The following KCTD18 variants were observed in gnomAD, a reference collection of about 807,000 sequenced individuals.
The protein encoded by KCTD18 is potassium channel tetramerization domain containing 18, also known as BTB/POZ domain-containing protein KCTD18.
Under a neutral mutation model 30.4 loss-of-function variants are expected in KCTD18, and 22 were observed. That is an observed-to-expected ratio of 0.72 (90% CI 0.52 to 1.03). The LOEUF is 1.03. Among genes scored for constraint, KCTD18 ranks in the 50% least tolerant of loss-of-function variants. The pLI, the probability that KCTD18 is intolerant of heterozygous loss-of-function variation, is 0.00. For synonymous variants in KCTD18, 186 were observed against 209.0 expected (o/e 0.89, Z 0.95); for missense variants, 529 against 547.6 (o/e 0.97, Z 0.34).
intron 3 of KCTD18, among the ~76,000 whole-genome samples, chr2:200,499,856 T>C (rs1230241885): frequency 1.4e-5 from 2 of 147,698 alleles, no homozygotes; most frequent in African/African-American, 4.9e-5. Context: ...ATATCCTTGA[T>C]GAACATTGAT....
rs761524442 is a variant in KCTD18, at chr2:200,504,458, C to CAA, written c.372+288_372+289dup. ...TGGGGGACAGAGCAAGACTCTGCCT[C>CAA]AAAAAAAAAAAAAAAAAAAAGCAAG... On this transcript the variant is annotated intron_variant, in intron 3 of 6. Transcript: ENST00000359878. 1.6e-3 allele frequency among the ~76,000 whole-genome samples: 93 copies of CAA among 59,146 alleles called. 1 individual carries two copies. Among genetic ancestry groups the CAA allele is most frequent in the African/African-American group, 4.4e-3 (83 of 18,966 alleles). The allele number at this position is 59,146 out of a possible 152,430, so 38.8% of individuals were successfully genotyped here. A position where few individuals can be genotyped will look rare whatever the true frequency, so the allele number is the denominator to read the frequency against.
In KCTD18 at chr2:200,493,242, T is replaced by C. The variant is rs749559061; in HGVS notation, c.694A>G (p.Ile232Val). ...VSYWRVPHEL[I>V]ECWTLEERPL... is the part of the protein sequence containing the mutation. ...CGTTCTTCTAGAGTCCAACACTCTA[T>C]CAGCTCATGAGGCACCCGCCAGTAG... The change falls in exon 6 of 7, where the codon ATA becomes GTA. Residue 232 changes from isoleucine to valine, a missense_variant. Ile to Val is a conservative substitution (Grantham distance 29). Coordinates refer to ENST00000359878, the MANE Select transcript of KCTD18 (RefSeq NM_152387.4). The C allele has an allele frequency of 5.6e-6, 9 of 1,612,374 alleles. No individual in the cohort carries two copies. In the African/African-American group the frequency reaches 9.3e-5, roughly 17 times the overall value.
intron 3 of KCTD18, among the ~76,000 whole-genome samples, chr2:200,502,636 A>T (rs2106283020): frequency 6.6e-6 from 1 of 152,360 alleles, no homozygotes; most frequent in Admixed American, 6.5e-5. Flanking sequence ...CGTCCTGCAG[A>T]TATAACAATG....
intron 2 of KCTD18, among the ~76,000 whole-genome samples, 155 bp downstream of exon 2, chr2:200,506,702 T>C (rs1006879426): frequency 2.6e-5 from 4 of 152,242 alleles, no homozygotes; most frequent in African/African-American, 9.6e-5. Flanking sequence ...AGTATTTAAT[T>C]TCTCCACGTA....
chr2:200,492,644 TA>T (rs902266358), intron 6 of KCTD18, among the ~76,000 whole-genome samples: 18 of 151,894 alleles, frequency 1.2e-4, no homozygotes, highest in Admixed American at 3.3e-4. Flanking sequence ...CCAGACACTG[TA>T]AAAAAAATGT....
rs78070942 is a variant in KCTD18, at chr2:200,503,752, A to T, written c.372+996T>A. Among the ~76,000 whole-genome samples the T allele has an allele frequency of 9.3e-3, 1,424 of 152,336 alleles. 9 individuals are homozygous for T. The highest frequency in any genetic ancestry group is 0.031 in the Middle Eastern group (9 of 294). ...TATTCATGCTGCACTCCTAATAACC[A>T]ACCACCCATCAGCTTGCTTCCTAAA... On this transcript the variant is annotated intron_variant, in intron 3 of 6. Transcript: ENST00000359878.
rs905695604 is a variant in KCTD18, at chr2:200,489,159, C to T, written c.*941G>A. On this transcript the variant is annotated 3_prime_UTR_variant, in exon 7 of 7. Transcript: ENST00000359878. ...ATCCAATTACAAAACATAACATTTA[C>T]GAATAAACACACACAACTGAATAGT... The T allele has an allele frequency of 3.3e-5, 5 of 152,296 alleles. No homozygotes were observed. Among genetic ancestry groups the T allele is most frequent in the Non-Finnish European group, 5.9e-5 (4 of 67,976 alleles). 9.4% of individuals were successfully genotyped at this position (152,296 alleles called of 1,614,324 possible).
chr2:200,505,815 G>C (rs1184928237), intron 2 of KCTD18, among the ~76,000 whole-genome samples: 1 of 151,400 alleles, frequency 6.6e-6, no homozygotes, highest in Non-Finnish European at 1.5e-5. Context: ...ACACTATGCT[G>C]GTACTACTTT....
At chr2:200,506,767 G>A in intron 2 of KCTD18, 90 bp downstream of exon 2, 1 of 1,169,352 alleles carries the variant, frequency 8.6e-7, no homozygotes. Context: ...TAGTCATCTA[G>A]TACATTTCGC....
chr2:200,503,635 C>T (rs865834487), intron 3 of KCTD18, among the ~76,000 whole-genome samples: 1 of 152,166 alleles, frequency 6.6e-6, no homozygotes, highest in Non-Finnish European at 1.5e-5. Flanking sequence ...GAAAGACTAT[C>T]GTTCGAAAAT....
chr2:200,490,125 T>G lies in KCTD18; in HGVS notation c.1256A>C (p.Glu419Ala). The change falls in exon 7 of 7, where the codon GAG becomes GCG. Residue 419 changes from glutamate (E) to alanine (A), a missense_variant. Physicochemically the swap from Glu to Ala is moderately radical, Grantham distance 107 (BLOSUM62 -1). Coordinates refer to ENST00000359878, the MANE Select transcript of KCTD18 (RefSeq NM_152387.4). The part of the protein sequence containing the change: ...EAARALGVRT[E>A]NGKNKGN ...TCAATTTCCCTTGTTCTTCCCGTTCTCAGTCCGCACTCCCAAGGCACGGGC... is the reference window on the plus strand; with the variant it reads ...TCAATTTCCCTTGTTCTTCCCGTTCGCAGTCCGCACTCCCAAGGCACGGGC... The G allele has an allele frequency of 3.2e-6, 5 of 1,587,190 alleles. No individual in the cohort carries two copies. Among genetic ancestry groups the G allele is most frequent in the Non-Finnish European group, 3.4e-6 (4 of 1,161,474 alleles).
chr2:200,508,907 A>T (rs1208992267), intron 1 of KCTD18, among the ~76,000 whole-genome samples: 1 of 152,092 alleles, frequency 6.6e-6, no homozygotes, highest in Non-Finnish European at 1.5e-5. Context: ...CAGCAAACCT[A>T]ATTTCTTGCA....
rs771527815 is a variant in KCTD18 at position 200,490,162 on chromosome 2, G to T, written c.1219C>A (p.Pro407Thr). ...TRQANSLKPLPGEAARALGVR... is the reference protein window; with the variant it reads ...TRQANSLKPLTGEAARALGVR... The stretch of plus-strand genomic sequence containing the variant: ...CCCAAGGCACGGGCAGCTTCGCCGG[G>T]AAGCGGCTTGAGGGAGTTGGCCTGC... Residue 407 changes from proline (P) to threonine (T), a missense_variant, in exon 7 of 7, where the codon CCC becomes ACC. Pro to Thr is a conservative substitution (Grantham distance 38). Coordinates refer to ENST00000359878, the MANE Select transcript of KCTD18 (RefSeq NM_152387.4). The T allele has an allele frequency of 6.2e-7, 1 of 1,609,268 alleles. No individual in the cohort carries two copies. Among genetic ancestry groups the T allele is most frequent in the South Asian group, 1.1e-5 (1 of 90,918 alleles).
chr2:200,490,184 CTGCCTCG>C lies in KCTD18; in HGVS notation c.1190_1196del (p.Thr397ArgfsTer52). 1 of 1,613,806 alleles carries C rather than the reference CTGCCTCG, an allele frequency of 6.2e-7. No individual in the cohort carries two copies. The highest frequency in any genetic ancestry group is 8.5e-7 in the Non-Finnish European group (1 of 1,179,720). ...CGGGAAGCGGCTTGAGGGAGTTGGCCTGCCTCGTGGCCGTGGGGGAGGGCAGGCAAGG... is the reference window on the plus strand; with the variant it reads ...CGGGAAGCGGCTTGAGGGAGTTGGCCTGGCCGTGGGGGAGGGCAGGCAAGG... On this transcript the variant is annotated frameshift_variant, in exon 7 of 7. Coordinates refer to ENST00000359878, the MANE Select transcript of KCTD18 (RefSeq NM_152387.4). LOFTEE classifies it low-confidence loss of function (END_TRUNC).
intron 3 of KCTD18, among the ~76,000 whole-genome samples, chr2:200,501,664 T>C (rs1460993777): frequency 6.3e-5 from 9 of 142,618 alleles, no homozygotes; most frequent in African/African-American, 1.8e-4. Context: ...TGTGGAGAAA[T>C]AGGAACACTT....
chr2:200,496,168 G>A (rs28681549), intron 5 of KCTD18: 1,948 of 152,394 alleles, frequency 0.013, 45 homozygotes, highest in African/African-American at 0.045. Context: ...CACCTGCCTC[G>A]GCCTCCCAAA....
At position 200,490,370 on chromosome 2, in the gene KCTD18, C is replaced by T. The variant is rs373381202; in HGVS notation, c.1011G>A (p.Thr337=). ...APSRATALVG[T]GAPGHPQASP... Reference sequence around the variant, plus strand: ...AAGCCTGAGGATGCCCAGGTGCCCCCGTGCCCACCAGGGCCGTGGCTCTGG... The same window carrying T: ...AAGCCTGAGGATGCCCAGGTGCCCCTGTGCCCACCAGGGCCGTGGCTCTGG... Residue 337 remains threonine (T), a synonymous_variant, in exon 7 of 7, where the codon ACG becomes ACA. Transcript: ENST00000359878. 35 of 1,614,114 alleles carry T rather than the reference C, an allele frequency of 2.2e-5. No individual in the cohort carries two copies. The highest frequency in any genetic ancestry group is 2.8e-5 in the Non-Finnish European group (33 of 1,180,054).
At position 200,489,776 on chromosome 2, in the gene KCTD18, T is replaced by G. The variant is rs1269707392; in HGVS notation, c.*324A>C. 3.8e-6 allele frequency: 1 copy of G among 260,824 alleles called. No homozygotes were observed. The highest frequency in any genetic ancestry group is 7.2e-6 in the Non-Finnish European group (1 of 138,596). The allele number at this position is 260,824 out of a possible 1,614,324, so 16.2% of individuals were successfully genotyped here. A position where few individuals can be genotyped will look rare whatever the true frequency, so the allele number is the denominator to read the frequency against. On this transcript the variant is annotated 3_prime_UTR_variant, in exon 7 of 7. Transcript: ENST00000359878. ...CGGGTTGCAACAAGTAACGTTTACT[T>G]CAGCAACAAAGTGGACCTCTCTAGA...
intron 5 of KCTD18, 151 bp from the exon 6 acceptor site, chr2:200,493,425 C>T (rs375870938): frequency 9.9e-6 from 6 of 605,038 alleles, no homozygotes; most frequent in South Asian, 8.1e-5. Flanking sequence ...AGCGCTCACA[C>T]GAGGAGCTAG....
Sources: allele counts gnomAD v4.1 joint callset (sites outside exome capture counted in the v4.1 genomes callset), GRCh38; gene constraint gnomAD v4.1.1; transcripts MANE v1.5; gene names NCBI Gene and HGNC (gene_info 2026-07-23, HGNC 2026-07-21).